The following PDCD2L variants were observed in gnomAD, a reference collection of about 807,000 sequenced individuals.
PDCD2L encodes the protein uS5 assembly chaperone PDCD2L.
A neutral mutation model predicts 40.4 loss-of-function variants in PDCD2L; 44 were observed. The ratio of observed to expected loss-of-function variants is 1.09; its 90% confidence interval spans 0.86 to 1.40. The LOEUF (loss-of-function observed/expected upper bound fraction) is 1.40. Among genes scored for constraint, PDCD2L ranks in the 40% most tolerant of loss-of-function variants. The pLI, the probability that PDCD2L is intolerant of heterozygous loss-of-function variation, is 0.00. For synonymous variants in PDCD2L, 194 were observed against 174.6 expected (o/e 1.11, Z -0.88); for missense variants, 470 against 453.7 (o/e 1.04, Z -0.33).
intron 2 of PDCD2L, 36 bp from the exon 3 acceptor site, chr19:34,404,894 G>T: frequency 6.2e-7 from 1 of 1,613,056 alleles, no homozygotes; most frequent in Non-Finnish European, 8.5e-7. Flanking sequence ...TGGAGTCGGG[G>T]TGCAGCCCTC....
intron 6 of PDCD2L, among the ~76,000 whole-genome samples, chr19:34,423,730 C>T (rs551309104): frequency 6.6e-6 from 1 of 151,926 alleles, no homozygotes; most frequent in Admixed American, 6.6e-5. Flanking sequence ...CTCAAGTGAT[C>T]CGTCCACCTC....
At chr19:34,413,207 T>C (rs1475592370) in intron 4 of PDCD2L, among the ~76,000 whole-genome samples, 1 of 151,858 alleles carries the variant, frequency 6.6e-6, no homozygotes, top group Non-Finnish European at 1.5e-5. Flanking sequence ...CCTGGCTAAT[T>C]TTTTGTACTT....
At chr19:34,425,745 A>G (rs1163197187) in intron 6 of PDCD2L, among the ~76,000 whole-genome samples, 1 of 152,136 alleles carries the variant, frequency 6.6e-6, no homozygotes, top group Non-Finnish European at 1.5e-5. Context: ...TATAATGAAC[A>G]CTTGCTGAAA....
Position 34,409,434 on chromosome 19 carries a change from C to T in PDCD2L, c.610C>T (p.Leu204=). Residue 204 remains leucine (L), a synonymous_variant, in exon 4 of 7, where the codon CTG becomes TTG. Transcript: ENST00000246535. ...GGATGATTACAGGGACTTTGTCAAC[C>T]TGGATCATGCCCACAGCCTTCTGAG... The part of the protein sequence containing the change: ...DEDDYRDFVN[L]DHAHSLLRDY... The T allele has an allele frequency of 6.2e-7, 1 of 1,614,168 alleles. No individual in the cohort carries two copies. The highest frequency in any genetic ancestry group is 8.5e-7 in the Non-Finnish European group (1 of 1,180,036).
At chr19:34,406,097 G>C (rs1463530808) in intron 3 of PDCD2L, among the ~76,000 whole-genome samples, 1 of 152,154 alleles carries the variant, frequency 6.6e-6, no homozygotes, top group Admixed American at 6.5e-5. Flanking sequence ...ACCTACACTT[G>C]TGCCACTGCA....
intron 6 of PDCD2L, among the ~76,000 whole-genome samples, chr19:34,423,419 A>G (rs1370176383): frequency 1.3e-5 from 2 of 151,004 alleles, no homozygotes; most frequent in African/African-American, 4.9e-5. Flanking sequence ...CCTGACCTCA[A>G]GCTCCCGACC....
At chr19:34,411,966 A>G (rs903241941) in intron 4 of PDCD2L, among the ~76,000 whole-genome samples, 2 of 139,616 alleles carry the variant, frequency 1.4e-5, no homozygotes, top group Admixed American at 7.1e-5. Context: ...AAAAATACAT[A>G]TATATATATA....
intron 5 of PDCD2L, among the ~76,000 whole-genome samples, chr19:34,417,089 G>A (rs1389987242): frequency 6.6e-6 from 1 of 152,026 alleles, no homozygotes; most frequent in Non-Finnish European, 1.5e-5. Flanking sequence ...ACTCCAGCCT[G>A]GGTGACAGAG....
rs749217175 is a variant in PDCD2L, at chr19:34,404,672, G to C, written c.132G>C (p.Ala44=). 4.3e-6 allele frequency: 7 copies of C among 1,611,600 alleles called. 2 individuals carry two copies. In the South Asian group the frequency reaches 6.6e-5, roughly 15 times the overall value. ...AGGATGCTCTGCCCACCGTGGCTGC[G>C]CCCAGGCCCGTGTGTCAGCGCTGCG... The part of the protein sequence containing the change: ...GIPDALPTVA[A]PRPVCQRCGQ... The change falls in exon 2 of 7, where the codon GCG becomes GCC. Residue 44 remains alanine, a synonymous_variant. Coordinates refer to ENST00000246535, the MANE Select transcript of PDCD2L (RefSeq NM_032346.2).
In PDCD2L at chr19:34,422,064, C is replaced by T. The variant is rs576471002; in HGVS notation, c.946+397C>T. 4.8e-4 allele frequency: 69 copies of T among 143,550 alleles called. 1 individual carries two copies. The highest frequency in any genetic ancestry group is 6.4e-4 in the Admixed American group (9 of 14,052). 8.9% of individuals were successfully genotyped at this position (143,550 alleles called of 1,614,324 possible). ...ATCGCACCACTCTACTCCAGCCTGG[C>T]GACAGAGTGAGGAGACTCTGTCTCA... On this transcript the variant is annotated intron_variant, in intron 6 of 6. Transcript: ENST00000246535.
chr19:34,409,486 C>T lies in PDCD2L; in HGVS notation c.662C>T (p.Ala221Val), dbSNP rs2075092570. Residue 221 changes from alanine (A) to valine (V), a missense_variant, in exon 4 of 7, where the codon GCC (alanine) becomes GTC (valine). Coordinates refer to ENST00000246535, the MANE Select transcript of PDCD2L (RefSeq NM_032346.2). ...LRDYQQREGI[A>V]MDQLLSQSLP... ...GACTATCAGCAGAGAGAAGGCATTG[C>T]CATGGATCAGTTGCTTTCCCAAAGG... The T allele has an allele frequency of 1.2e-6, 2 of 1,613,858 alleles. No individual in the cohort carries two copies. The highest frequency in any genetic ancestry group is 1.3e-5 in the African/African-American group (1 of 75,036).
At chr19:34,414,436 CA>C (rs1211099900) in intron 5 of PDCD2L, among the ~76,000 whole-genome samples, 5 of 145,894 alleles carry the variant, frequency 3.4e-5, no homozygotes, top group African/African-American at 1.3e-4. Flanking sequence ...CTCAGCCTCC[CA>C]AAGTTCTGAG....
chr19:34,406,733 C>G (rs1442823465), intron 3 of PDCD2L, among the ~76,000 whole-genome samples: 1 of 149,770 alleles, frequency 6.7e-6, no homozygotes, highest in Non-Finnish European at 1.5e-5. Context: ...TGCAGTAGAA[C>G]TTAAAAAAAA....
intron 5 of PDCD2L, among the ~76,000 whole-genome samples, chr19:34,414,458 G>A (rs140560496): frequency 6.4e-4 from 87 of 135,960 alleles, no homozygotes; most frequent in Middle Eastern, 4.5e-3. Context: ...ATACAAGTGT[G>A]AGCCACCATG....
chr19:34,421,738 G>A, intron 6 of PDCD2L, 71 bp downstream of exon 6: 1 of 1,487,972 alleles, frequency 6.7e-7, no homozygotes, highest in South Asian at 1.3e-5. Context: ...AAAACCTTTT[G>A]TTTACTTATA....
At chr19:34,410,454 G>A (rs915254351) in intron 4 of PDCD2L, among the ~76,000 whole-genome samples, 2 of 152,032 alleles carry the variant, frequency 1.3e-5, no homozygotes, top group Non-Finnish European at 1.5e-5. Flanking sequence ...GTTTCACTAT[G>A]TTGGTCAGGC....
chr19:34,421,195 T>G (rs1468579455), intron 5 of PDCD2L, among the ~76,000 whole-genome samples: 1 of 152,178 alleles, frequency 6.6e-6, no homozygotes, highest in Non-Finnish European at 1.5e-5. Context: ...GGTTGGGGAC[T>G]TCTTCTCTAA....
intron 3 of PDCD2L, among the ~76,000 whole-genome samples, chr19:34,407,036 C>T (rs1005086348): frequency 6.6e-6 from 1 of 151,736 alleles, no homozygotes; most frequent in Non-Finnish European, 1.5e-5. Flanking sequence ...AGGGTTTCAC[C>T]ATGTTGGCCA....
intron 6 of PDCD2L, among the ~76,000 whole-genome samples, chr19:34,422,739 G>A (rs547180960): frequency 6.6e-6 from 1 of 150,942 alleles, no homozygotes; most frequent in African/African-American, 2.4e-5. Flanking sequence ...TTCTTGAGAC[G>A]GAGTCTTGCT....
Sources: gnomAD v4.1 joint callset for allele counts (sites outside exome capture counted in the v4.1 genomes callset) on GRCh38, gnomAD v4.1.1 for gene constraint, MANE v1.5 for transcripts, NCBI Gene and HGNC (gene_info 2026-07-23, HGNC 2026-07-21) for gene names.